The following HRK variants were observed in gnomAD, a reference collection of about 807,000 sequenced individuals.
HRK encodes activator of apoptosis harakiri.
In HRK, 6 loss-of-function variants were observed where a neutral mutation model predicts 5.9. The observed-to-expected ratio is 1.02, with a 90% CI of 0.56 to 2.01. HRK has a LOEUF of 2.01. HRK is among the 30% of genes most tolerant of loss of function. The pLI is 0.00. For missense variants in HRK, 133 were observed against 128.3 expected (o/e 1.04, Z -0.18); for synonymous variants, 85 against 65.1 (o/e 1.31, Z -1.47).
At chr12:116,868,239 T>C (rs1201983325) in intron 1 of HRK, among the ~76,000 whole-genome samples, 2 of 129,684 alleles carry the variant, frequency 1.5e-5, no homozygotes, top group Non-Finnish European at 3.3e-5. Context: ...TACAGGAACA[T>C]GCCACCACGC....
In HRK at chr12:116,862,639, G is replaced by A. The variant is rs1170434082; in HGVS notation, c.*57-1173C>T. On this transcript the variant is annotated intron_variant, in intron 1 of 1. Transcript: ENST00000257572. The surrounding 1 kb of genome is among the most constrained non-coding windows in gnomAD (Gnocchi z 4.0). ...AAACGAAAATTTTCCAAAGTTGACTGTGAAGATGGCTGCAAAATTCTATGT... is the reference window on the plus strand; with the variant it reads ...AAACGAAAATTTTCCAAAGTTGACTATGAAGATGGCTGCAAAATTCTATGT... Among the ~76,000 whole-genome samples, 1 of 152,196 alleles carries A rather than the reference G, an allele frequency of 6.6e-6. No individual in the cohort carries two copies. Among genetic ancestry groups the A allele is most frequent in the African/African-American group, 2.4e-5 (1 of 41,450 alleles).
In HRK at chr12:116,878,840, G is replaced by C. The variant is rs903788665; in HGVS notation, c.*56+2136C>G. Among the ~76,000 whole-genome samples, 4 of 152,166 alleles carry C rather than the reference G, an allele frequency of 2.6e-5. No individual in the cohort carries two copies. The highest frequency in any genetic ancestry group is 2.6e-4 in the Admixed American group (4 of 15,284). On this transcript the variant is annotated intron_variant, in intron 1 of 1. Coordinates refer to ENST00000257572, the MANE Select transcript of HRK (RefSeq NM_003806.4). This position sits in a 1 kb window ranked among gnomAD's most constrained non-coding sequence, Gnocchi z 4.4. Reference sequence around the variant, plus strand: ...GGGCGCAGCACGGAAGTAACTCTGGGGTAGAAGGCGAGGGCGGGGCGGGGG... The same window carrying C: ...GGGCGCAGCACGGAAGTAACTCTGGCGTAGAAGGCGAGGGCGGGGCGGGGG...
Position 116,878,307 on chromosome 12 carries a change from G to A in HRK, c.*56+2669C>T, listed in dbSNP as rs1879010763. ...TGGTAGTTCCCACCCTATATGGCTGGCACAGGCCTCCCTCAAACACCTAAG... is the reference window on the plus strand; with the variant it reads ...TGGTAGTTCCCACCCTATATGGCTGACACAGGCCTCCCTCAAACACCTAAG... On this transcript the variant is annotated intron_variant, in intron 1 of 1. Coordinates refer to ENST00000257572, the MANE Select transcript of HRK (RefSeq NM_003806.4). The surrounding 1 kb of genome is among the most constrained non-coding windows in gnomAD (Gnocchi z 4.4). Among the ~76,000 whole-genome samples the A allele has an allele frequency of 6.6e-6, 1 of 152,190 alleles. No individual in the cohort carries two copies. The highest frequency in any genetic ancestry group is 2.4e-5 in the African/African-American group (1 of 41,438).
Position 116,879,963 on chromosome 12 carries a change from C to T in HRK, c.*56+1013G>A, listed in dbSNP as rs1460861704. Among the ~76,000 whole-genome samples, 4 of 152,210 alleles carry T rather than the reference C, an allele frequency of 2.6e-5. No individual in the cohort carries two copies. The highest frequency in any genetic ancestry group is 5.9e-5 in the Non-Finnish European group (4 of 68,032). Reference sequence around the variant, plus strand: ...CTCTCCCTCATTCTCTGCAGCGCTCCTCGCTACTCCAGGATCCAGAGTAGT... The same window carrying T: ...CTCTCCCTCATTCTCTGCAGCGCTCTTCGCTACTCCAGGATCCAGAGTAGT... On this transcript the variant is annotated intron_variant, in intron 1 of 1. Coordinates refer to ENST00000257572, the MANE Select transcript of HRK (RefSeq NM_003806.4). This position sits in a 1 kb window ranked among gnomAD's most constrained non-coding sequence, Gnocchi z 5.6.
At chr12:116,868,674 A>G (rs903018269) in intron 1 of HRK, among the ~76,000 whole-genome samples, 1 of 152,230 alleles carries the variant, frequency 6.6e-6, no homozygotes, top group African/African-American at 2.4e-5. Flanking sequence ...ACATTCATTC[A>G]TTCATTCACC....
At chr12:116,864,559 A>T (rs2137244746) in intron 1 of HRK, among the ~76,000 whole-genome samples, 1 of 152,324 alleles carries the variant, frequency 6.6e-6, no homozygotes, top group Middle Eastern at 3.4e-3. Flanking sequence ...ATATTTGGAA[A>T]AAGGAAGCGT....
At position 116,859,942 on chromosome 12, in the gene HRK, T is replaced by G. The variant is rs1426489990; in HGVS notation, c.*1581A>C. 1 of 152,076 alleles carries G rather than the reference T, an allele frequency of 6.6e-6. No individual in the cohort carries two copies. Among genetic ancestry groups the G allele is most frequent in the Non-Finnish European group, 1.5e-5 (1 of 68,024 alleles). 9.4% of individuals were successfully genotyped at this position (152,076 alleles called of 1,614,324 possible). A position where few individuals can be genotyped will look rare whatever the true frequency, so the allele number is the denominator to read the frequency against. On this transcript the variant is annotated 3_prime_UTR_variant, in exon 2 of 2. Coordinates refer to ENST00000257572, the MANE Select transcript of HRK (RefSeq NM_003806.4). The stretch of plus-strand genomic sequence containing the variant: ...CTTCTTAGAACTGTACAGCAAAGCC[T>G]GTGGGGGGATAATTCCCATTTCAGC...
At chr12:116,875,727 G>A (rs1356165927) in intron 1 of HRK, among the ~76,000 whole-genome samples, 4 of 151,862 alleles carry the variant, frequency 2.6e-5, no homozygotes, top group Non-Finnish European at 5.9e-5. Context: ...TATTTTTAGT[G>A]GAGATGGGGT....
Position 116,860,864 on chromosome 12 carries a change from C to A in HRK, c.*659G>T, listed in dbSNP as rs540812002. 1 of 152,392 alleles carries A rather than the reference C, an allele frequency of 6.6e-6. No homozygotes were observed. Among genetic ancestry groups the A allele is most frequent in the East Asian group, 1.9e-4 (1 of 5,188 alleles). The allele number at this position is 152,392 out of a possible 1,614,324, so 9.4% of individuals were successfully genotyped here. A position where few individuals can be genotyped will look rare whatever the true frequency, so the allele number is the denominator to read the frequency against. ...GTGAAGCACCAGAGACACAAAAATCCCATTTCTCTTGACGTGACAGTGGGA... is the reference window on the plus strand; with the variant it reads ...GTGAAGCACCAGAGACACAAAAATCACATTTCTCTTGACGTGACAGTGGGA... On this transcript the variant is annotated 3_prime_UTR_variant, in exon 2 of 2. Transcript: ENST00000257572.
chr12:116,858,998 C>T lies in HRK; in HGVS notation c.*2525G>A, dbSNP rs933312037. On this transcript the variant is annotated 3_prime_UTR_variant, in exon 2 of 2. Transcript: ENST00000257572. ...TTAAAAACAACCCCGTGTCAAAAAT[C>T]GGGGCAGTCGAGAAGTGCACTCCAA... 1 of 152,024 alleles carries T rather than the reference C, an allele frequency of 6.6e-6. No individual in the cohort carries two copies. The highest frequency in any genetic ancestry group is 1.5e-5 in the Non-Finnish European group (1 of 68,004). 9.4% of individuals were successfully genotyped at this position (152,024 alleles called of 1,614,324 possible). A position where few individuals can be genotyped will look rare whatever the true frequency, so the allele number is the denominator to read the frequency against.
chr12:116,858,560 C>A lies in HRK; in HGVS notation c.*2963G>T, dbSNP rs1164376990. 1 of 128,584 alleles carries A rather than the reference C, an allele frequency of 7.8e-6. No individual in the cohort carries two copies. The highest frequency in any genetic ancestry group is 3.0e-5 in the African/African-American group (1 of 33,496). The allele number at this position is 128,584 out of a possible 1,614,324, so 8.0% of individuals were successfully genotyped here. A position where few individuals can be genotyped will look rare whatever the true frequency, so the allele number is the denominator to read the frequency against. On this transcript the variant is annotated 3_prime_UTR_variant, in exon 2 of 2. Coordinates refer to ENST00000257572, the MANE Select transcript of HRK (RefSeq NM_003806.4). ...CTAAACGATGATCTCAGAGGCCTCC[C>A]TCTGCTTGTACGGTCACACACACAC...
rs1555211661 is a variant in HRK at position 116,856,287 on chromosome 12, T to G, written c.*5236A>C. The G allele has an allele frequency of 6.6e-6, 1 of 152,216 alleles. No individual in the cohort carries two copies. The highest frequency in any genetic ancestry group is 1.5e-5 in the Non-Finnish European group (1 of 68,048). The allele number at this position is 152,216 out of a possible 1,614,324, so 9.4% of individuals were successfully genotyped here. On this transcript the variant is annotated 3_prime_UTR_variant, in exon 2 of 2. Transcript: ENST00000257572. The surrounding 1 kb of genome is among the most constrained non-coding windows in gnomAD (Gnocchi z 4.4). ...CCAGAACGGAACGTCCCCAAGCTTATTGCCTCTCTGGCTAGGCCAGAGGCC... is the reference window on the plus strand; with the variant it reads ...CCAGAACGGAACGTCCCCAAGCTTAGTGCCTCTCTGGCTAGGCCAGAGGCC...
chr12:116,871,092 T>TTTTTG (rs57267390), intron 1 of HRK, among the ~76,000 whole-genome samples: 6,146 of 148,430 alleles, frequency 0.041, 242 homozygotes, highest in East Asian at 0.12. Context: ...CTAATTTTTG[T>TTTTTG]TTTTGTTTTG....
intron 1 of HRK, among the ~76,000 whole-genome samples, chr12:116,863,543 T>C (rs1337747494): frequency 6.6e-6 from 1 of 152,164 alleles, no homozygotes; most frequent in African/African-American, 2.4e-5. Flanking sequence ...AATTCTCCTC[T>C]GATTACTGAG....
intron 1 of HRK, among the ~76,000 whole-genome samples, chr12:116,869,815 T>C (rs1174298477): frequency 6.6e-6 from 1 of 152,226 alleles, no homozygotes; most frequent in African/African-American, 2.4e-5. Flanking sequence ...GGCTCACACC[T>C]GTAATCTCAG....
chr12:116,877,200 AC>A (rs1469385487), intron 1 of HRK, among the ~76,000 whole-genome samples: 3 of 146,372 alleles, frequency 2.0e-5, no homozygotes, highest in African/African-American at 7.6e-5. Flanking sequence ...ACAGGTGCAC[AC>A]CACCATGCCC....
rs1879009348 is a variant in HRK, at chr12:116,878,258, C to T, written c.*56+2718G>A. Among the ~76,000 whole-genome samples, 1 of 152,188 alleles carries T rather than the reference C, an allele frequency of 6.6e-6. No homozygotes were observed. The highest frequency in any genetic ancestry group is 1.5e-5 in the Non-Finnish European group (1 of 68,038). On this transcript the variant is annotated intron_variant, in intron 1 of 1. Transcript: ENST00000257572. This position sits in a 1 kb window ranked among gnomAD's most constrained non-coding sequence, Gnocchi z 4.4. The stretch of plus-strand genomic sequence containing the variant: ...GATTCTGCATATAGCGGAGCACACC[C>T]TTTAAACCTATGGGAATTGAAAGTG...
At chr12:116,875,972 G>A (rs922924897) in intron 1 of HRK, among the ~76,000 whole-genome samples, 2 of 152,158 alleles carry the variant, frequency 1.3e-5, no homozygotes, top group South Asian at 2.1e-4. Context: ...TCCTATCACA[G>A]GGACACTAGT....
Position 116,881,153 on chromosome 12 carries a change from C to A in HRK, c.155G>T (p.Arg52Leu). 8.5e-7 allele frequency: 1 copy of A among 1,182,988 alleles called. No homozygotes were observed. The allele number at this position is 1,182,988 out of a possible 1,614,324, so 73.3% of individuals were successfully genotyped here. The change falls in exon 1 of 2, where the codon CGC (arginine) becomes CTC (leucine). Residue 52 changes from arginine (R) to leucine (L), a missense_variant. By Grantham distance (102) the Arg-to-Leu change is moderately radical. Transcript: ENST00000257572. ...CGGCGCCCTCCGGCTCCGCGCGCGG[C>A]GCCGCCACATGGTGCGCTGGTGCAG... ...DELHQRTMWR[R>L]RARSRRAPAP...
Sources: allele counts gnomAD v4.1 joint callset (sites outside exome capture counted in the v4.1 genomes callset), GRCh38; gene constraint gnomAD v4.1.1; non-coding constraint Gnocchi (gnomAD v3.1); transcripts MANE v1.5; gene names NCBI Gene and HGNC (gene_info 2026-07-23, HGNC 2026-07-21).